EPM2A: variants seen among roughly 807,000 people sequenced by gnomAD.
EPM2A encodes laforin.
A neutral mutation model predicts 26.5 loss-of-function variants in EPM2A; 21 were observed. The observed-to-expected ratio is 0.79, with a 90% CI of 0.56 to 1.14. The LOEUF is 1.14. Among genes scored for constraint, EPM2A ranks in the 50% most tolerant of loss-of-function variants. EPM2A has a pLI of 0.00. For missense variants in EPM2A, 458 were observed against 440.8 expected (o/e 1.04, Z -0.35); for synonymous variants, 217 against 177.6 (o/e 1.22, Z -1.76).
chr6:145,680,775 T>G (rs1262274728), intron 2 of EPM2A, among the ~76,000 whole-genome samples: 2 of 152,234 alleles, frequency 1.3e-5, no homozygotes, highest in African/African-American at 4.8e-5. Flanking sequence ...CCACATTTTC[T>G]TAATCCAGTC....
At position 145,398,859 on chromosome 6, in the gene EPM2A, C is replaced by CAA. The variant is rs67242355; in HGVS notation, c.556-14764_556-14763dup. 4.3e-3 allele frequency among the ~76,000 whole-genome samples: 567 copies of CAA among 131,456 alleles called. 7 individuals are homozygous for CAA. Among genetic ancestry groups the CAA allele is most frequent in the African/African-American group, 0.013 (454 of 35,082 alleles). The allele number at this position is 131,456 out of a possible 152,430, so 86.2% of individuals were successfully genotyped here. On this transcript the variant is annotated intron_variant, in intron 4 of 4. Coordinates refer to the EPM2A transcript ENST00000638717. ...TGGGTGACAGAGTGAGACTCTGTCT[C>CAA]AAAAAAAAAAAAAAAACCATCAGAG... is the stretch of plus-strand genomic sequence containing the variant.
chr6:145,401,534 C>T (rs1375210079), intron 4 of EPM2A, among the ~76,000 whole-genome samples: 1 of 152,048 alleles, frequency 6.6e-6, no homozygotes, highest in Non-Finnish European at 1.5e-5. Flanking sequence ...CATTCTACCC[C>T]AAAGTCCCCC....
At chr6:145,398,750 C>T (rs1489557131) in intron 4 of EPM2A, among the ~76,000 whole-genome samples, 2 of 151,518 alleles carry the variant, frequency 1.3e-5, no homozygotes, top group African/African-American at 4.9e-5. Context: ...GTCCCAGCTA[C>T]TTGGGAGGCT....
chr6:145,485,061 G>T (rs1180824775), intron 4 of EPM2A, among the ~76,000 whole-genome samples: 4 of 150,504 alleles, frequency 2.7e-5, no homozygotes, highest in Non-Finnish European at 3.0e-5. Context: ...TTCCCTTTCA[G>T]CTCTCTCCCA....
intron 4 of EPM2A, among the ~76,000 whole-genome samples, chr6:145,444,514 T>C (rs1411903638): frequency 1.3e-5 from 2 of 152,226 alleles, no homozygotes; most frequent in African/African-American, 2.4e-5. Flanking sequence ...TGCATCAGTG[T>C]TCATCAAGGA....
At chr6:145,679,525 G>A (rs1178023799) in intron 2 of EPM2A, among the ~76,000 whole-genome samples, 2 of 151,688 alleles carry the variant, frequency 1.3e-5, no homozygotes, top group South Asian at 2.1e-4. Flanking sequence ...TCAGTAATAG[G>A]AATTCCAGAA....
At chr6:145,591,386 T>C (rs1781271186) in intron 2 of EPM2A, among the ~76,000 whole-genome samples, 1 of 152,016 alleles carries the variant, frequency 6.6e-6, no homozygotes. Flanking sequence ...AATAGCAAAA[T>C]GCCTACATGT....
chr6:145,438,916 G>GA (rs1554236957), intron 4 of EPM2A, among the ~76,000 whole-genome samples: 2 of 151,878 alleles, frequency 1.3e-5, no homozygotes, highest in Non-Finnish European at 2.9e-5. Context: ...GTACCCAATA[G>GA]TTTTTTTCTT....
At chr6:145,716,896 A>G (rs971026728) in intron 1 of EPM2A, among the ~76,000 whole-genome samples, 10 of 152,146 alleles carry the variant, frequency 6.6e-5, no homozygotes, top group African/African-American at 2.2e-4. Flanking sequence ...TGTTGTATTT[A>G]TTCCCATAAT....
intron 1 of EPM2A, among the ~76,000 whole-genome samples, chr6:145,695,268 G>A (rs1781508380): frequency 6.6e-6 from 1 of 151,844 alleles, no homozygotes; most frequent in Admixed American, 6.6e-5. Context: ...AAACCTCATG[G>A]TAATTGCAAA....
chr6:145,686,655 T>C lies in EPM2A; in HGVS notation c.302-359A>G, dbSNP rs1370697503. Among the ~76,000 whole-genome samples, 4 of 145,512 alleles carry C rather than the reference T, an allele frequency of 2.7e-5. No individual in the cohort carries two copies. In the East Asian group the frequency reaches 7.7e-4, roughly 28 times the overall value. ...TAAAGCTATTAATGCCCCTGTATTA[T>C]ACACTTCTATCTTTCTGGTATGCAA... is the stretch of plus-strand genomic sequence containing the variant. On this transcript the variant is annotated intron_variant, in intron 1 of 3. Coordinates refer to ENST00000367519, the MANE Select transcript of EPM2A (RefSeq NM_005670.4).
In EPM2A at chr6:145,489,964, G is replaced by T; in HGVS notation, c.555+12558C>A. ...TTGGACCTGCTCTGGAAGCACACTC[G>T]TGTGAACAAAGTACCTGGCTGTCCT... is the stretch of plus-strand genomic sequence containing the variant. On this transcript the variant is annotated intron_variant, in intron 4 of 4. Transcript: ENST00000638717. 3.6e-6 allele frequency: 5 copies of T among 1,377,000 alleles called. No homozygotes were observed. The South Asian group carries it at 3.7e-5, about 10-fold the overall frequency. The allele number at this position is 1,377,000 out of a possible 1,614,324, so 85.3% of individuals were successfully genotyped here.
intron 2 of EPM2A, among the ~76,000 whole-genome samples, chr6:145,663,320 G>A (rs377290730): frequency 6.6e-6 from 1 of 152,316 alleles, no homozygotes; most frequent in South Asian, 2.1e-4. Context: ...CAGAAGACGG[G>A]TGATTTCTGC....
intron 4 of EPM2A, among the ~76,000 whole-genome samples, chr6:145,440,802 C>T (rs1341761672): frequency 1.3e-5 from 2 of 152,214 alleles, no homozygotes; most frequent in Non-Finnish European, 2.9e-5. Context: ...CAGGTGGGCT[C>T]CCACAGAGTT....
intron 2 of EPM2A, among the ~76,000 whole-genome samples, chr6:145,509,090 T>C (rs1370688001): frequency 2.6e-5 from 4 of 152,134 alleles, no homozygotes; most frequent in Non-Finnish European, 5.9e-5. Context: ...TATAGGATTA[T>C]GTAAAGCAAT....
At chr6:145,655,186 GAAA>G (rs5880651) in intron 2 of EPM2A, among the ~76,000 whole-genome samples, 2 of 140,770 alleles carry the variant, frequency 1.4e-5, no homozygotes, top group Admixed American at 7.1e-5. Flanking sequence ...ATTTTGCTGT[GAAA>G]AAAAAAAAAA....
intron 4 of EPM2A, among the ~76,000 whole-genome samples, chr6:145,459,308 T>A (rs1412254740): frequency 6.6e-6 from 1 of 152,144 alleles, no homozygotes. Flanking sequence ...CAGACAAAAA[T>A]CTGGATAAGG....
intron 2 of EPM2A, among the ~76,000 whole-genome samples, chr6:145,502,729 G>A (rs1779909699): frequency 6.6e-6 from 1 of 152,168 alleles, no homozygotes; most frequent in South Asian, 2.1e-4. Context: ...CAAATTAGAA[G>A]TGCTTAATAA....
chr6:145,507,903 G>A (rs1369125550), intron 2 of EPM2A, among the ~76,000 whole-genome samples: 2 of 152,098 alleles, frequency 1.3e-5, no homozygotes, highest in Non-Finnish European at 2.9e-5. Flanking sequence ...GTCCTTGGTG[G>A]GTGCCCCAGC....
Sources: gnomAD v4.1 joint callset for allele counts (sites outside exome capture counted in the v4.1 genomes callset) on GRCh38, gnomAD v4.1.1 for gene constraint, MANE v1.5 for transcripts, NCBI Gene and HGNC (gene_info 2026-07-23, HGNC 2026-07-21) for gene names.